Variants in FOXN3 observed in about 807,000 individuals in gnomAD.
FOXN3 encodes the protein forkhead box protein N3.
FOXN3 carries 7 observed loss-of-function variants against 38.4 expected under a neutral mutation model. The observed-to-expected ratio is 0.18, with a 90% CI of 0.10 to 0.34. The LOEUF is 0.34. FOXN3 is among the 10% of genes least tolerant of loss of function. FOXN3 has a pLI of 1.00. For missense variants in FOXN3, 456 were observed against 613.4 expected (o/e 0.74, Z 2.71); for synonymous variants, 230 against 242.2 (o/e 0.95, Z 0.47).
At chr14:89,186,031 T>C (rs1887797926) in intron 4 of FOXN3, among the ~76,000 whole-genome samples, 1 of 152,210 alleles carries the variant, frequency 6.6e-6, no homozygotes, top group Non-Finnish European at 1.5e-5. Context: ...TTTTCACAAC[T>C]TCTAAAATTA....
chr14:89,552,344 A>G (rs1596315232), intron 1 of FOXN3, among the ~76,000 whole-genome samples: 2 of 152,344 alleles, frequency 1.3e-5, no homozygotes, highest in East Asian at 1.9e-4. Context: ...CATATGTGTC[A>G]CCGTCACGTG....
chr14:89,598,432 T>C (rs1896100393), intron 1 of FOXN3, among the ~76,000 whole-genome samples: 1 of 152,150 alleles, frequency 6.6e-6, no homozygotes, highest in Admixed American at 6.6e-5. Context: ...TTCATGATTT[T>C]TAAAATTATT....
At chr14:89,466,398 A>G (rs1000613051) in intron 1 of FOXN3, among the ~76,000 whole-genome samples, 1 of 152,120 alleles carries the variant, frequency 6.6e-6, no homozygotes, top group Non-Finnish European at 1.5e-5. Context: ...CTTCCAATTG[A>G]CGGCAAATGC....
chr14:89,424,482 G>A (rs1334504309), intron 1 of FOXN3, among the ~76,000 whole-genome samples: 1 of 152,146 alleles, frequency 6.6e-6, no homozygotes, highest in South Asian at 2.1e-4. Flanking sequence ...TTGTCTGGCC[G>A]TGGGAAGTCT....
upstream of FOXN3, among the ~76,000 whole-genome samples, chr14:89,421,145 CTTTTTTTTTTTTTT>C (rs570024684): frequency 1.8e-5 from 2 of 108,182 alleles, no homozygotes; most frequent in Non-Finnish European, 3.7e-5. Context: ...TTCTTTCTTT[CTTTTTTTTTTTTTT>C]TTTTTTGAGA....
At chr14:89,322,906 C>T (rs564488895) in intron 3 of FOXN3, among the ~76,000 whole-genome samples, 3 of 152,248 alleles carry the variant, frequency 2.0e-5, no homozygotes, top group East Asian at 1.9e-4. Context: ...AGAAAGTCCC[C>T]GCTCTCAAGG....
At chr14:89,526,103 G>A (rs1472176820) in intron 1 of FOXN3, among the ~76,000 whole-genome samples, 2 of 130,126 alleles carry the variant, frequency 1.5e-5, no homozygotes, top group African/African-American at 2.7e-5. Flanking sequence ...TATCAAACTA[G>A]GAATAGAAGG....
chr14:89,356,689 T>TA (rs1443584882), intron 2 of FOXN3: 1 of 152,184 alleles, frequency 6.6e-6, no homozygotes, highest in Non-Finnish European at 1.5e-5. Context: ...CCTTCATTCA[T>TA]ACGCTCATGC....
chr14:89,539,284 A>AT (rs1894751484), intron 1 of FOXN3, among the ~76,000 whole-genome samples: 1 of 152,256 alleles, frequency 6.6e-6, no homozygotes, highest in African/African-American at 2.4e-5. Context: ...ATTTGAGAAA[A>AT]GGAAATAAAA....
chr14:89,364,765 G>A (rs1890086989), intron 2 of FOXN3: 1 of 152,198 alleles, frequency 6.6e-6, no homozygotes, highest in South Asian at 2.1e-4. Flanking sequence ...TGCCCCACAG[G>A]TCTTTCAGAA....
intron 1 of FOXN3, among the ~76,000 whole-genome samples, chr14:89,518,790 T>C (rs1375652314): frequency 3.3e-5 from 5 of 151,844 alleles, no homozygotes; most frequent in East Asian, 1.9e-4. Context: ...GCTGAGGCCA[T>C]TGGATCATGA....
intron 4 of FOXN3, among the ~76,000 whole-genome samples, chr14:89,212,597 G>GT (rs767350895): frequency 2.0e-5 from 3 of 152,220 alleles, no homozygotes; most frequent in Non-Finnish European, 4.4e-5. Context: ...GGCGATGGCA[G>GT]CCTGCCTGGT....
chr14:89,248,219 G>GA (rs769258233), intron 4 of FOXN3, among the ~76,000 whole-genome samples: 1 of 152,166 alleles, frequency 6.6e-6, no homozygotes, highest in Non-Finnish European at 1.5e-5. Flanking sequence ...CAAGCGCAAA[G>GA]ACTTTATCAC....
chr14:89,425,128 G>A (rs1462267196), intron 1 of FOXN3, among the ~76,000 whole-genome samples: 6 of 132,164 alleles, frequency 4.5e-5, no homozygotes, highest in African/African-American at 1.4e-4. Context: ...GCAGTGGCAC[G>A]ATCTTGGCCC....
chr14:89,492,926 G>A (rs1464404478), intron 1 of FOXN3, among the ~76,000 whole-genome samples: 1 of 152,152 alleles, frequency 6.6e-6, no homozygotes, highest in Non-Finnish European at 1.5e-5. Context: ...AACCTGTCCT[G>A]GCCCTCCACA....
At chr14:89,419,184 G>A (rs767245596), upstream of FOXN3, 1 of 456,052 alleles carries the variant, frequency 2.2e-6, no homozygotes, top group Admixed American at 2.3e-5. Flanking sequence ...GTGAGAAGGT[G>A]TCACCCTGAA....
chr14:89,528,376 CTTTTTTTTTTTTTTTTTTTTTTTTTT>C (rs55935162), intron 1 of FOXN3, among the ~76,000 whole-genome samples: 22 of 53,552 alleles, frequency 4.1e-4, no homozygotes, highest in African/African-American at 1.3e-3. Flanking sequence ...ATGGATGAAT[CTTTTTTTTTTTTTTTTTTTTTTTTTT>C]TTTTTTTGAA....
chr14:89,341,252 T>G (rs944060623), intron 3 of FOXN3, among the ~76,000 whole-genome samples: 3 of 152,206 alleles, frequency 2.0e-5, no homozygotes, highest in African/African-American at 7.2e-5. Context: ...GTTATGTGCC[T>G]GGCACACTGT....
At chr14:89,377,020 C>CAAAAAAGAAAAA (rs1890497876) in intron 2 of FOXN3, among the ~76,000 whole-genome samples, 1 of 42,754 alleles carries the variant, frequency 2.3e-5, no homozygotes, top group Non-Finnish European at 4.3e-5. Context: ...GACTCTGTCT[C>CAAAAAAGAAAAA]AAAAAAAAAA....
Sources: allele counts gnomAD v4.1 joint callset (sites outside exome capture counted in the v4.1 genomes callset), GRCh38; gene constraint gnomAD v4.1.1; transcripts MANE v1.5; gene names NCBI Gene and HGNC (gene_info 2026-07-23, HGNC 2026-07-21).